The following RELCH variants were observed in gnomAD, a reference collection of about 807,000 sequenced individuals.
RELCH encodes the protein RAB11 binding and LisH domain, coiled-coil and HEAT repeat containing, also known as RAB11-binding protein RELCH.
Under a neutral mutation model 150.3 loss-of-function variants are expected in RELCH, and 41 were observed. That is an observed-to-expected ratio of 0.27 (90% CI 0.21 to 0.35). The LOEUF is 0.35. RELCH is among the 10% of genes least tolerant of loss of function. RELCH has a pLI of 1.00. For missense variants in RELCH, 1,092 were observed against 1,467.8 expected, an observed-to-expected ratio of 0.74 and a Z score of 4.18; for synonymous variants, 478 against 531.8, an observed-to-expected ratio of 0.90 and a Z score of 1.39.
intron 1 of RELCH, among the ~76,000 whole-genome samples, chr18:62,202,804 T>G (rs2039536176): frequency 6.6e-6 from 1 of 152,234 alleles, no homozygotes; most frequent in African/African-American, 2.4e-5. Flanking sequence ...TAATAACAGA[T>G]GGATACCTAA....
In RELCH at chr18:62,196,452, A is replaced by G. The variant is rs558118210; in HGVS notation, c.526+8421A>G. On this transcript the variant is annotated intron_variant, in intron 1 of 28. Coordinates refer to ENST00000644646, the MANE Select transcript of RELCH (RefSeq NM_001346231.2). ...GCCATGTTGGCCAGGCATGTCTTGA[A>G]TTCCTGGCCTCAAGTGATCCACCTG... Among the ~76,000 whole-genome samples the G allele has an allele frequency of 5.9e-5, 9 of 152,210 alleles. No individual in the cohort carries two copies. The East Asian group carries it at 1.6e-3, about 26-fold the overall frequency.
intron 20 of RELCH, 24 bp downstream of exon 20, chr18:62,268,972 T>C (rs2043741647): frequency 7.9e-7 from 1 of 1,270,170 alleles, no homozygotes; most frequent in Non-Finnish European, 1.1e-6. Context: ...TCTTACTCTC[T>C]AGTAAAAGGC....
At chr18:62,248,128 G>T (rs1266457637) in intron 11 of RELCH, among the ~76,000 whole-genome samples, 1 of 152,074 alleles carries the variant, frequency 6.6e-6, no homozygotes, top group East Asian at 1.9e-4. Context: ...ATTAATTACT[G>T]CTTCACTCAA....
At chr18:62,253,267 T>TTGTGTGTGTGTGTGTG (rs68067609) in intron 12 of RELCH, among the ~76,000 whole-genome samples, 12 of 136,454 alleles carry the variant, frequency 8.8e-5, no homozygotes, top group Non-Finnish European at 1.3e-4. Flanking sequence ...AGCAAGAAGA[T>TTGTGTGTGTGTGTGTG]TGTGTGTGTG....
At position 62,253,267 on chromosome 18, in the gene RELCH, TTGTGTGTGTGTG is replaced by T. The variant is rs68067609; in HGVS notation, c.1824+547_1824+558del. Among the ~76,000 whole-genome samples, 774 of 136,544 alleles carry T rather than the reference TTGTGTGTGTGTG, an allele frequency of 5.7e-3. 3 individuals are homozygous for T. Among genetic ancestry groups the T allele is most frequent in the Admixed American group, 0.022 (289 of 13,360 alleles). The allele number at this position is 136,544 out of a possible 152,430, so 89.6% of individuals were successfully genotyped here. On this transcript the variant is annotated intron_variant, in intron 12 of 28. Transcript: ENST00000644646. ...TATACTTGAAGAAACAGCAAGAAGA[TTGTGTGTGTGTG>T]TGTGTGTGTGTGTGTGTGTGTGTGT...
At chr18:62,243,725 T>A (rs1437613738) in intron 10 of RELCH, among the ~76,000 whole-genome samples, 1 of 152,088 alleles carries the variant, frequency 6.6e-6, no homozygotes, top group Non-Finnish European at 1.5e-5. Flanking sequence ...ATCATGCTTT[T>A]CTTCAGGTTA....
chr18:62,236,109 C>T (rs984382941), intron 10 of RELCH, among the ~76,000 whole-genome samples: 1 of 151,866 alleles, frequency 6.6e-6, no homozygotes, highest in African/African-American at 2.4e-5. Flanking sequence ...TGCCCTTTGT[C>T]ATATTAAAGA....
chr18:62,298,093 T>C (rs1004008634), intron 27 of RELCH, among the ~76,000 whole-genome samples: 2 of 149,506 alleles, frequency 1.3e-5, no homozygotes, highest in Admixed American at 6.7e-5. Context: ...ATTTGCTTTA[T>C]CCCCCCCCGT....
chr18:62,205,863 AT>A (rs138183424), intron 1 of RELCH, among the ~76,000 whole-genome samples: 1 of 151,946 alleles, frequency 6.6e-6, no homozygotes, highest in African/African-American at 2.4e-5. Flanking sequence ...TGTCTCCATA[AT>A]TTTTTTAAAA....
At chr18:62,261,748 CT>C in intron 16 of RELCH, 90 bp downstream of exon 16, 2 of 1,095,168 alleles carry the variant, frequency 1.8e-6, no homozygotes, top group Non-Finnish European at 2.6e-6. Context: ...CTAAAAATCA[CT>C]TTATATGACA....
intron 16 of RELCH, among the ~76,000 whole-genome samples, chr18:62,262,328 G>T (rs530178824): frequency 3.3e-5 from 5 of 152,126 alleles, no homozygotes; most frequent in Admixed American, 6.6e-5. Flanking sequence ...ACAAGCTATT[G>T]CTATGTATCA....
chr18:62,248,390 G>A (rs1046332123), intron 11 of RELCH, among the ~76,000 whole-genome samples: 1 of 152,152 alleles, frequency 6.6e-6, no homozygotes, highest in African/African-American at 2.4e-5. Context: ...CTTTAATTAT[G>A]AAAGTCTTTG....
At chr18:62,190,266 A>G (rs28413561) in intron 1 of RELCH, among the ~76,000 whole-genome samples, 14,927 of 152,266 alleles carry the variant, frequency 0.098, 862 homozygotes, top group East Asian at 0.19. Flanking sequence ...TTGACAAATC[A>G]GTCACTACCA....
chr18:62,245,611 G>C (rs1016745849), intron 11 of RELCH, among the ~76,000 whole-genome samples: 2 of 152,058 alleles, frequency 1.3e-5, no homozygotes, highest in African/African-American at 2.4e-5. Context: ...TGGGAGACAA[G>C]AGTGAAAGTC....
intron 2 of RELCH, among the ~76,000 whole-genome samples, chr18:62,220,236 T>C (rs922947745): frequency 6.6e-6 from 1 of 152,068 alleles, no homozygotes; most frequent in Non-Finnish European, 1.5e-5. Context: ...CTACTCAGTA[T>C]CCTTAGAAAA....
At chr18:62,298,619 C>CTGAACCTAGTCTAGCAATCTAATA (rs2045528505) in intron 27 of RELCH, among the ~76,000 whole-genome samples, 171 bp from the exon 28 acceptor site, 1 of 152,122 alleles carries the variant, frequency 6.6e-6, no homozygotes, top group Admixed American at 6.5e-5. Context: ...AAAGCTACTT[C>CTGAACCTAGTCTAGCAATCTAATA]TGAACCTAGT....
At chr18:62,252,393 C>G (rs1438304948) in intron 11 of RELCH, among the ~76,000 whole-genome samples, 2 of 151,958 alleles carry the variant, frequency 1.3e-5, no homozygotes, top group Non-Finnish European at 2.9e-5. Context: ...GTGGTGAACA[C>G]TTATAGTCCC....
chr18:62,253,864 C>A (rs1219928967), intron 12 of RELCH, among the ~76,000 whole-genome samples: 1 of 152,158 alleles, frequency 6.6e-6, no homozygotes, highest in African/African-American at 2.4e-5. Flanking sequence ...ATATAACTTT[C>A]AATTTACAAT....
At chr18:62,227,571 T>G (rs2041297701) in intron 6 of RELCH, 27 bp from the exon 7 acceptor site, 2 of 1,524,510 alleles carry the variant, frequency 1.3e-6, no homozygotes, top group African/African-American at 1.4e-5. Context: ...ATCTTGAGTT[T>G]CTGTTTTTCT....
Sources: gnomAD v4.1 joint callset for allele counts (sites outside exome capture counted in the v4.1 genomes callset) on GRCh38, gnomAD v4.1.1 for gene constraint, MANE v1.5 for transcripts, NCBI Gene and HGNC (gene_info 2026-07-23, HGNC 2026-07-21) for gene names.